GTF2IRD2B: variants seen among roughly 807,000 people sequenced by gnomAD.
GTF2IRD2B encodes GTF2I repeat domain containing 2B.
In GTF2IRD2B, 10 loss-of-function variants were observed where a neutral mutation model predicts 55.6. The observed-to-expected ratio is 0.18, with a 90% confidence interval of 0.11 to 0.31. GTF2IRD2B has a LOEUF of 0.31. GTF2IRD2B is among the 10% of genes least tolerant of loss of function. The pLI, the probability that GTF2IRD2B is intolerant of heterozygous loss-of-function variation, is 1.00. For synonymous variants in GTF2IRD2B, 107 were observed against 320.5 expected (o/e 0.33, Z 7.12); for missense variants, 206 against 802.7 (o/e 0.26, Z 8.98).
At chr7:75,145,143 T>TC in intron 15 of GTF2IRD2B, among the ~76,000 whole-genome samples, 1 of 30,802 alleles carries the variant, frequency 3.2e-5, no homozygotes, top group East Asian at 6.1e-4. Flanking sequence ...CTCTTTTTTT[T>TC]CCCCTTCAAC....
chr7:75,107,574 TA>T (rs1371808086), intron 1 of GTF2IRD2B, among the ~76,000 whole-genome samples: 92 of 44,652 alleles, frequency 2.1e-3, no homozygotes, highest in Admixed American at 2.4e-3. Flanking sequence ...GACTCTGTCT[TA>T]AAAAAAAAAA....
rs376335386 is a variant in GTF2IRD2B at position 75,148,843 on chromosome 7, C to T, written c.2396C>T (p.Thr799Met). 3.7e-5 allele frequency: 60 copies of T among 1,607,630 alleles called. No individual in the cohort carries two copies. The highest frequency in any genetic ancestry group is 2.7e-4 in the African/African-American group (20 of 74,804). ...CTGTGCCTCTGGGAGACTCATTTGA[C>T]GAGGAATAATCTGGCCCACTTTCCC... The part of the protein sequence containing the change: ...AKLCLWETHL[T>M]RNNLAHFPTL... Residue 799 changes from threonine (T) to methionine (M), a missense_variant, in exon 16 of 16, where the codon ACG becomes ATG. Physicochemically the swap from Thr to Met is moderately conservative, Grantham distance 81 (BLOSUM62 -1). Transcript: ENST00000472837.
intron 1 of GTF2IRD2B, among the ~76,000 whole-genome samples, chr7:75,104,145 T>C (rs1554421556): frequency 0.83 from 94,024 of 113,836 alleles, 38,715 homozygotes; most frequent in East Asian, 0.87. Context: ...TGTTTTTAGA[T>C]GGAATCTTAC....
At position 75,148,794 on chromosome 7, in the gene GTF2IRD2B, C is replaced by T; in HGVS notation, c.2347C>T (p.Leu783=). 3 of 1,549,202 alleles carry T rather than the reference C, an allele frequency of 1.9e-6. No homozygotes were observed. Among genetic ancestry groups the T allele is most frequent in the Non-Finnish European group, 2.7e-6 (3 of 1,121,314 alleles). ...CCAAATCGTCACGCAGATGTATGAC[C>T]TGATCCGGGCGTTCCTAGCAAAACT... The part of the protein sequence containing the change: ...HSQIVTQMYD[L]IRAFLAKLCL... The change falls in exon 16 of 16, where the codon CTG becomes TTG. Residue 783 remains leucine (L), a synonymous_variant. Transcript: ENST00000472837.
intron 8 of GTF2IRD2B, among the ~76,000 whole-genome samples, chr7:75,130,091 C>CTCTTTCTTTCCTTCTTTCTT (rs1808617494): frequency 1.3e-5 from 1 of 77,518 alleles, no homozygotes; most frequent in African/African-American, 4.7e-5. Context: ...AATTTATTTT[C>CTCTTTCTTTCCTTCTTTCTT]TCTTTCTTTC....
At chr7:75,104,807 T>C (rs1418477021) in intron 1 of GTF2IRD2B, among the ~76,000 whole-genome samples, 1 of 152,282 alleles carries the variant, frequency 6.6e-6, no homozygotes, top group Non-Finnish European at 1.5e-5. Context: ...GGATGCCGCT[T>C]TTGCTACTCT....
chr7:75,134,856 C>T (rs1298229041), intron 9 of GTF2IRD2B, 145 bp from the exon 10 acceptor site: 24 of 1,351,356 alleles, frequency 1.8e-5, no homozygotes, highest in East Asian at 1.8e-4. Flanking sequence ...CGTGAGTTAC[C>T]GCGCGCAGCC....
intron 3 of GTF2IRD2B, among the ~76,000 whole-genome samples, chr7:75,115,303 C>T: frequency 6.6e-6 from 1 of 150,584 alleles, no homozygotes. Context: ...ATGCCAGTAT[C>T]ATGCTGTTTT....
chr7:75,115,275 G>A lies in GTF2IRD2B; in HGVS notation c.238+2740G>A, dbSNP rs868963348. Among the ~76,000 whole-genome samples, 226 of 150,138 alleles carry A rather than the reference G, an allele frequency of 1.5e-3. 4 individuals carry two copies. Among genetic ancestry groups the A allele is most frequent in the African/African-American group, 5.0e-3 (203 of 40,710 alleles). Reference sequence around the variant, plus strand: ...ATTTCTGGACTCCCTACTCTATTCCGTAGATCTATTTGTCTTTATGCCAGT... The same window carrying A: ...ATTTCTGGACTCCCTACTCTATTCCATAGATCTATTTGTCTTTATGCCAGT... On this transcript the variant is annotated intron_variant, in intron 3 of 15. Coordinates refer to ENST00000472837, the MANE Select transcript of GTF2IRD2B (RefSeq NM_001003795.3).
intron 3 of GTF2IRD2B, among the ~76,000 whole-genome samples, chr7:75,117,813 T>C (rs1808218523): frequency 6.6e-6 from 1 of 152,258 alleles, no homozygotes; most frequent in Non-Finnish European, 1.5e-5. Context: ...CTGGGTGTGG[T>C]GGCTCACACC....
chr7:75,092,962 G>C (rs1272495327), intron 1 of GTF2IRD2B, among the ~76,000 whole-genome samples, 197 bp downstream of exon 1: 1 of 152,094 alleles, frequency 6.6e-6, no homozygotes, highest in South Asian at 2.1e-4. Flanking sequence ...CCAGAGGTGT[G>C]AGGGTGGGGG....
At chr7:75,132,248 AC>A (rs1318349186) in intron 8 of GTF2IRD2B, among the ~76,000 whole-genome samples, 2 of 135,214 alleles carry the variant, frequency 1.5e-5, no homozygotes, top group Non-Finnish European at 3.0e-5. Flanking sequence ...GGCGTGGGCC[AC>A]TTGGGAGGCT....
At chr7:75,123,884 A>C (rs1277469221) in intron 6 of GTF2IRD2B, 3 of 344,736 alleles carry the variant, frequency 8.7e-6, no homozygotes, top group South Asian at 2.3e-5. Context: ...TCTCAAAAAA[A>C]AAAACAAAAC....
intron 1 of GTF2IRD2B, among the ~76,000 whole-genome samples, chr7:75,103,065 G>T (rs1397529415): frequency 3.3e-5 from 5 of 151,560 alleles, no homozygotes; most frequent in South Asian, 2.1e-4. Context: ...ATCAACTGAG[G>T]TTAGGAGTTC....
At chr7:75,114,470 CG>C (rs1421093888) in intron 3 of GTF2IRD2B, among the ~76,000 whole-genome samples, 6 of 149,938 alleles carry the variant, frequency 4.0e-5, no homozygotes, top group South Asian at 2.1e-4. Flanking sequence ...AGTTTAGATT[CG>C]GGGGGCACAC....
intron 1 of GTF2IRD2B, among the ~76,000 whole-genome samples, chr7:75,096,718 G>A (rs801051): frequency 0.71 from 102,928 of 145,934 alleles, 33,019 homozygotes; most frequent in East Asian, 0.94. Flanking sequence ...GAGCCACCTC[G>A]CCTGGCTACT....
At position 75,119,900 on chromosome 7, in the gene GTF2IRD2B, A is replaced by T. The variant is rs372341277; in HGVS notation, c.239-991A>T. On this transcript the variant is annotated intron_variant, in intron 3 of 15. Transcript: ENST00000472837. The stretch of plus-strand genomic sequence containing the variant: ...TCCCAGCACTTTGGGAGGCCGAGGC[A>T]GGCGGATCACGAGGTCAGGAGATCG... Among the ~76,000 whole-genome samples, 2 of 113,086 alleles carry T rather than the reference A, an allele frequency of 1.8e-5. 1 individual carries two copies. The highest frequency in any genetic ancestry group is 8.6e-5 in the African/African-American group (2 of 23,308). 74.2% of individuals were successfully genotyped at this position (113,086 alleles called of 152,430 possible).
intron 1 of GTF2IRD2B, among the ~76,000 whole-genome samples, chr7:75,093,489 G>A (rs1165267038): frequency 1.3e-5 from 2 of 152,184 alleles, no homozygotes; most frequent in Admixed American, 1.3e-4. Context: ...TGCAACCTTT[G>A]CCACTAATTG....
Position 75,148,210 on chromosome 7 carries a change from G to A in GTF2IRD2B, c.1763G>A (p.Gly588Asp). Residue 588 changes from glycine to aspartate, a missense_variant, in exon 16 of 16, where the codon GGT (glycine) becomes GAT (aspartate). Transcript: ENST00000472837. The part of the protein sequence containing the change: ...EELLDTVPMT[G>D]TKSGNEIFLR... ...CTTCTGGACACGGTGCCCATGACGGGTACAAAATCTGGCAACGAGATCTTT... is the reference window on the plus strand; with the variant it reads ...CTTCTGGACACGGTGCCCATGACGGATACAAAATCTGGCAACGAGATCTTT... 1 of 1,613,818 alleles carries A rather than the reference G, an allele frequency of 6.2e-7. No individual in the cohort carries two copies. Among genetic ancestry groups the A allele is most frequent in the Non-Finnish European group, 8.5e-7 (1 of 1,179,854 alleles).
Sources: gnomAD v4.1 joint callset for allele counts (sites outside exome capture counted in the v4.1 genomes callset) on GRCh38, gnomAD v4.1.1 for gene constraint, MANE v1.5 for transcripts, NCBI Gene and HGNC (gene_info 2026-07-23, HGNC 2026-07-21) for gene names.